Variants in NECTIN1 observed in about 807,000 individuals in gnomAD.
The protein encoded by NECTIN1 is nectin cell adhesion molecule 1, also known as nectin-1.
A neutral mutation model predicts 48.0 loss-of-function variants in NECTIN1; 23 were observed. The observed-to-expected ratio is 0.48, with a 90% confidence interval of 0.34 to 0.68. The LOEUF (loss-of-function observed/expected upper bound fraction) is 0.68, where lower values mean the gene tolerates loss of function less well. Among genes scored for constraint, NECTIN1 ranks in the 30% least tolerant of loss-of-function variants. NECTIN1 has a pLI of 0.01. For synonymous variants in NECTIN1, 270 were observed against 288.9 expected, an observed-to-expected ratio of 0.93 and a Z score of 0.66; for missense variants, 591 against 709.9, an observed-to-expected ratio of 0.83 and a Z score of 1.90.
chr11:119,707,738 T>G (rs759595986), intron 1 of NECTIN1, among the ~76,000 whole-genome samples: 4 of 152,226 alleles, frequency 2.6e-5, no homozygotes, highest in Non-Finnish European at 5.9e-5. Context: ...TGTACATATT[T>G]TGGGGGTACA....
intron 5 of NECTIN1, among the ~76,000 whole-genome samples, chr11:119,649,711 C>T (rs1864462226): frequency 6.6e-6 from 1 of 152,112 alleles, no homozygotes; most frequent in Non-Finnish European, 1.5e-5. Flanking sequence ...GGAATGTTAC[C>T]AGGAAAATAA....
intron 1 of NECTIN1, among the ~76,000 whole-genome samples, chr11:119,697,773 G>A (rs1865367331): frequency 6.6e-6 from 1 of 152,160 alleles, no homozygotes; most frequent in South Asian, 2.1e-4. Context: ...CTGCCCCTTG[G>A]TTTTCTGTCT....
At chr11:119,675,091 A>G in intron 5 of NECTIN1, 68 bp downstream of exon 5, 1 of 1,556,884 alleles carries the variant, frequency 6.4e-7, no homozygotes, top group Non-Finnish European at 8.8e-7. Flanking sequence ...CATTGCTCAA[A>G]GGTGAGGGAT....
chr11:119,663,176 G>A lies in NECTIN1; in HGVS notation c.*1571C>T. 1.0e-6 allele frequency: 1 copy of A among 985,498 alleles called. No homozygotes were observed. Among genetic ancestry groups the A allele is most frequent in the South Asian group, 4.7e-5 (1 of 21,288 alleles). The allele number at this position is 985,498 out of a possible 1,614,324, so 61.0% of individuals were successfully genotyped here. A position where few individuals can be genotyped will look rare whatever the true frequency, so the allele number is the denominator to read the frequency against. ...GGTGAGTTAACTGGAATCCCAGTGG[G>A]CAGGCATGAAGGGCCGCGAAGCCTG... On this transcript the variant is annotated 3_prime_UTR_variant, in exon 6 of 6. Transcript: ENST00000264025.
chr11:119,723,344 C>T (rs1332490305), intron 1 of NECTIN1, among the ~76,000 whole-genome samples: 5 of 151,416 alleles, frequency 3.3e-5, no homozygotes, highest in Admixed American at 1.3e-4. Flanking sequence ...TTTGCAATCT[C>T]ATTATGCTGG....
rs151271108 is a variant in NECTIN1, at chr11:119,673,015, C to T, written c.1003+2144G>A. ...ATGTGCCCAGGGTAAAGTTATTACCCGAACGAATGCCCAGAATGAAAAATT... is the reference window on the plus strand; with the variant it reads ...ATGTGCCCAGGGTAAAGTTATTACCTGAACGAATGCCCAGAATGAAAAATT... On this transcript the variant is annotated intron_variant, in intron 5 of 5. Transcript: ENST00000264025. The surrounding 1 kb of genome is among the most constrained non-coding windows in gnomAD (Gnocchi z 5.8). Among the ~76,000 whole-genome samples, 21 of 152,346 alleles carry T rather than the reference C, an allele frequency of 1.4e-4. No individual in the cohort carries two copies. The highest frequency in any genetic ancestry group is 4.1e-4 in the African/African-American group (17 of 41,578).
intron 1 of NECTIN1, among the ~76,000 whole-genome samples, chr11:119,702,533 C>T (rs1446528352): frequency 1.3e-5 from 2 of 152,174 alleles, no homozygotes; most frequent in African/African-American, 2.4e-5. Context: ...CTAGCCTGGC[C>T]CTTCCACTTG....
chr11:119,663,697 A>C lies in NECTIN1; in HGVS notation c.*1050T>G. 1.0e-6 allele frequency: 1 copy of C among 985,466 alleles called. No individual in the cohort carries two copies. The highest frequency in any genetic ancestry group is 1.2e-6 in the Non-Finnish European group (1 of 829,946). 61.0% of individuals were successfully genotyped at this position (985,466 alleles called of 1,614,324 possible). ...CCAGCCCTGACTAGCCAAAAGAACC[A>C]AGTGTTGCTAGATAAGGGAGAAATC... On this transcript the variant is annotated 3_prime_UTR_variant, in exon 6 of 6. Transcript: ENST00000264025.
At chr11:119,647,974 G>A (rs950513501) in intron 5 of NECTIN1, among the ~76,000 whole-genome samples, 2 of 133,332 alleles carry the variant, frequency 1.5e-5, no homozygotes, top group Non-Finnish European at 3.1e-5. Context: ...CGAGACAAGA[G>A]AATCACTTGA....
intron 1 of NECTIN1, among the ~76,000 whole-genome samples, chr11:119,691,504 C>T (rs769976268): frequency 1.4e-4 from 21 of 152,218 alleles, no homozygotes; most frequent in Admixed American, 3.3e-4. Context: ...GCAGGGGGCA[C>T]GGTGCTGCCC....
At chr11:119,713,808 G>A (rs1865700865) in intron 1 of NECTIN1, 1 of 455,204 alleles carries the variant, frequency 2.2e-6, no homozygotes, top group African/African-American at 2.0e-5. Context: ...TCTCTCCTGG[G>A]TTAGCCTCAG....
intron 5 of NECTIN1, chr11:119,640,744 G>A (rs895759865): frequency 6.6e-6 from 1 of 152,300 alleles, no homozygotes; most frequent in African/African-American, 2.4e-5. Flanking sequence ...GCTTCTCAGC[G>A]ATCCAGGCTT....
At chr11:119,687,371 G>A (rs868714234) in intron 1 of NECTIN1, 8 of 152,102 alleles carry the variant, frequency 5.3e-5, no homozygotes, top group African/African-American at 1.5e-4. Flanking sequence ...TGCACTCCCC[G>A]GTTCATCGCC....
rs1864296672 is a variant in NECTIN1 at position 119,639,747 on chromosome 11, GGGAGGCCCTAGAAA to G, written c.1151+104_1151+117del. 3.7e-6 allele frequency: 5 copies of G among 1,347,084 alleles called. No homozygotes were observed. In the Admixed American group the frequency reaches 9.2e-5, roughly 25 times the overall value. 83.4% of individuals were successfully genotyped at this position (1,347,084 alleles called of 1,614,324 possible). ...GGTTAGTTCCTGGTCCCCCAGGGTG[GGGAGGCCCTAGAAA>G]GGCCCTGAGCTTTCACAAGTTTAGG... On this transcript the variant is annotated intron_variant, in intron 6 of 7. Coordinates refer to the NECTIN1 transcript ENST00000341398.
In NECTIN1 at chr11:119,678,529, C is replaced by T. The variant is rs755800836; in HGVS notation, c.316G>A (p.Asp106Asn). 71 of 1,614,084 alleles carry T rather than the reference C, an allele frequency of 4.4e-5. No individual in the cohort carries two copies. Among genetic ancestry groups the T allele is most frequent in the Non-Finnish European group, 4.9e-5 (58 of 1,180,040 alleles). The change falls in exon 2 of 6, where the codon GAT (aspartate) becomes AAT (asparagine). Residue 106 changes from aspartate (D) to asparagine (N), a missense_variant. Coordinates refer to ENST00000264025, the MANE Select transcript of NECTIN1 (RefSeq NM_002855.5). The surrounding 1 kb of genome is among the most constrained non-coding windows in gnomAD (Gnocchi z 4.4). ...RVEFLRPSFT[D>N]GTIRLSRLEL... Reference sequence around the variant, plus strand: ...AGGCGGGAGAGGCGGATAGTGCCATCGGTGAAGGAGGGCCGCAGGAATTCC... The same window carrying T: ...AGGCGGGAGAGGCGGATAGTGCCATTGGTGAAGGAGGGCCGCAGGAATTCC...
chr11:119,714,704 C>G (rs936783300), intron 1 of NECTIN1, among the ~76,000 whole-genome samples: 5 of 144,336 alleles, frequency 3.5e-5, no homozygotes, highest in African/African-American at 1.3e-4. Flanking sequence ...TGGAGATAAG[C>G]GGATCTTTCA....
In NECTIN1 at chr11:119,672,251, T is replaced by G. The variant is rs985528836; in HGVS notation, c.1003+2908A>C. ...GAGTGGCGAGAGGCTGGGTCCCAGC[T>G]GGAGAGGCCTGGCCTGTCTCCTCCC... On this transcript the variant is annotated intron_variant, in intron 5 of 5. Coordinates refer to ENST00000264025, the MANE Select transcript of NECTIN1 (RefSeq NM_002855.5). This position sits in a 1 kb window ranked among gnomAD's most constrained non-coding sequence, Gnocchi z 4.3. 6.6e-6 allele frequency among the ~76,000 whole-genome samples: 1 copy of G among 152,194 alleles called. No homozygotes were observed. Among genetic ancestry groups the G allele is most frequent in the Non-Finnish European group, 1.5e-5 (1 of 68,016 alleles).
chr11:119,696,427 C>CA (rs139390166), intron 1 of NECTIN1, among the ~76,000 whole-genome samples: 1 of 89,674 alleles, frequency 1.1e-5, no homozygotes, highest in African/African-American at 5.4e-5. Context: ...CAACCCCGCC[C>CA]GCCCCCTGGG....
intron 1 of NECTIN1, among the ~76,000 whole-genome samples, chr11:119,712,651 G>T (rs753871609): frequency 1.3e-5 from 2 of 152,150 alleles, no homozygotes; most frequent in South Asian, 2.1e-4. Context: ...CCACCACAAG[G>T]CTTACAAAAG....
Sources: allele counts gnomAD v4.1 joint callset (sites outside exome capture counted in the v4.1 genomes callset), GRCh38; gene constraint gnomAD v4.1.1; non-coding constraint Gnocchi (gnomAD v3.1); transcripts MANE v1.5; gene names NCBI Gene and HGNC (gene_info 2026-07-23, HGNC 2026-07-21).